RNF10: variants seen among roughly 807,000 people sequenced by gnomAD.
RNF10 encodes the protein E3 ubiquitin-protein ligase RNF10.
A neutral mutation model predicts 91.4 loss-of-function variants in RNF10; 38 were observed. The ratio of observed to expected loss-of-function variants is 0.42; its 90% CI spans 0.32 to 0.54. The LOEUF (loss-of-function observed/expected upper bound fraction) is 0.54, where lower values mean the gene tolerates loss of function less well. Ranked by LOEUF, RNF10 falls within the 20% of genes least tolerant of loss-of-function variation. RNF10 has a pLI of 0.16. For missense variants in RNF10, 945 were observed against 1,012.0 expected (o/e 0.93, Z 0.90); for synonymous variants, 364 against 366.3 (o/e 0.99, Z 0.07).
At chr12:120,536,791 A>G (rs761905166) in intron 1 of RNF10, among the ~76,000 whole-genome samples, 8 of 152,212 alleles carry the variant, frequency 5.3e-5, no homozygotes, top group Non-Finnish European at 1.2e-4. Flanking sequence ...TGAATTCTCA[A>G]CTAATTTTTC....
At chr12:120,560,434 G>T (rs983216534) in intron 6 of RNF10, among the ~76,000 whole-genome samples, 5 of 152,134 alleles carry the variant, frequency 3.3e-5, no homozygotes, top group African/African-American at 1.2e-4. Flanking sequence ...GATTACAGGT[G>T]TGAGCCATGG....
In RNF10 at chr12:120,566,990, T is replaced by A; in HGVS notation, c.2041+10T>A. The A allele has an allele frequency of 6.3e-7, 1 of 1,593,070 alleles. No homozygotes were observed. ...CCAGGTTCCCATGCAGGTAAACAGG[T>A]GAAATTTAATGAATTCACCCATCAG... is the stretch of plus-strand genomic sequence containing the variant. On this transcript the variant is annotated intron_variant, in intron 13 of 16. Transcript: ENST00000325954.
Position 120,565,098 on chromosome 12 carries a change from C to T in RNF10, c.1692C>T (p.Leu564=). 6.2e-7 allele frequency: 1 copy of T among 1,613,824 alleles called. No individual in the cohort carries two copies. The highest frequency in any genetic ancestry group is 8.5e-7 in the Non-Finnish European group (1 of 1,179,706). ...SEDVRQRHRY[L]SHLPLTCEFS... ...ATGTTCGACAGCGTCACAGATATCT[C>T]TCTCACTTGCCACTCACCTGTGAGT... Residue 564 remains leucine, a synonymous_variant, in exon 11 of 17, where the codon CTC becomes CTT. Coordinates refer to ENST00000325954, the MANE Select transcript of RNF10 (RefSeq NM_014868.5).
At chr12:120,556,487 C>T (rs1236829508) in intron 4 of RNF10, among the ~76,000 whole-genome samples, 2 of 126,248 alleles carry the variant, frequency 1.6e-5, no homozygotes, top group African/African-American at 6.1e-5. Context: ...GCCGAGATGG[C>T]GCCACTGCAC....
Position 120,560,761 on chromosome 12 carries a change from G to T in RNF10, c.1003G>T (p.Ala335Ser). Reference protein sequence around the residue: ...QHSQYSKLLLASKEQVLHRVV... With the variant: ...QHSQYSKLLLSSKEQVLHRVV... Reference sequence around the variant, plus strand: ...CAGCCAGTACTCCAAGTTGCTGCTGGCCTCTAAGGAGCAGGTGCTGCACCG... The same window carrying T: ...CAGCCAGTACTCCAAGTTGCTGCTGTCCTCTAAGGAGCAGGTGCTGCACCG... Residue 335 changes from alanine to serine, a missense_variant, in exon 7 of 17, where the codon GCC (alanine) becomes TCC (serine). Ala to Ser is a moderately conservative substitution (Grantham distance 99). Coordinates refer to ENST00000325954, the MANE Select transcript of RNF10 (RefSeq NM_014868.5). 6.2e-7 allele frequency: 1 copy of T among 1,614,040 alleles called. No homozygotes were observed. Among genetic ancestry groups the T allele is most frequent in the Non-Finnish European group, 8.5e-7 (1 of 1,179,958 alleles).
chr12:120,567,759 G>A (rs1433082334), intron 13 of RNF10, among the ~76,000 whole-genome samples: 1 of 150,814 alleles, frequency 6.6e-6, no homozygotes, highest in Non-Finnish European at 1.5e-5. Flanking sequence ...TTCTATTCAC[G>A]TACTAATGGG....
At position 120,575,693 on chromosome 12, in the gene RNF10, G is replaced by C. The variant is rs61760872; in HGVS notation, c.2200+5G>C. 23,550 of 1,614,184 alleles carry C rather than the reference G, an allele frequency of 0.015. 479 individuals carry two copies. The highest frequency in any genetic ancestry group is 0.066 in the South Asian group (5,994 of 91,078). ...CCAAAACTGCTCCAAAGAAAGGTGA[G>C]GATGGTCCACTGGTGAAGGGGGAGT... On this transcript the variant is annotated splice_donor_5th_base_variant and intron_variant, in intron 15 of 16. Transcript: ENST00000325954.
intron 1 of RNF10, among the ~76,000 whole-genome samples, chr12:120,540,933 G>A (rs180704096): frequency 6.0e-5 from 9 of 150,366 alleles, no homozygotes; most frequent in Admixed American, 4.7e-4. Context: ...CGGCCTTGCC[G>A]CAACCTCCAC....
At chr12:120,553,038 GTTTTTTTTTTTTTTTTTTT>G (rs3049493) in intron 3 of RNF10, among the ~76,000 whole-genome samples, 10 of 90,936 alleles carry the variant, frequency 1.1e-4, no homozygotes, top group African/African-American at 3.9e-4. Context: ...AAGAGGAAAG[GTTTTTTTTTTTTTTTTTTT>G]TTTTTTTTTT....
Position 120,552,660 on chromosome 12 carries a change from A to G in RNF10, c.516A>G (p.Gly172=), listed in dbSNP as rs754983515. 1.1e-5 allele frequency: 18 copies of G among 1,614,058 alleles called. No individual in the cohort carries two copies. Among genetic ancestry groups the G allele is most frequent in the Non-Finnish European group, 1.5e-5 (18 of 1,180,040 alleles). The change falls in exon 3 of 17, where the codon GGA becomes GGG. Residue 172 remains glycine (G), a synonymous_variant. Coordinates refer to ENST00000325954, the MANE Select transcript of RNF10 (RefSeq NM_014868.5). ...GCTGGGGAAAGAGGAACAAGTGGGG[A>G]CATAAGCCTTTTAACAAGGAACTCT... ...HGSWGKRNKW[G]HKPFNKELFL...
intron 2 of RNF10, among the ~76,000 whole-genome samples, chr12:120,550,657 C>T (rs787834): frequency 0.27 from 40,657 of 150,938 alleles, 6,574 homozygotes; most frequent in Admixed American, 0.39. Flanking sequence ...AGTGCAGTGG[C>T]GTGATCTCGG....
intron 3 of RNF10, 40 bp from the exon 4 acceptor site, chr12:120,554,678 T>TC (rs1873688185): frequency 1.4e-6 from 2 of 1,464,352 alleles, no homozygotes; most frequent in African/African-American, 2.8e-5. Context: ...TATTGGTAGA[T>TC]CCTGACAGTC....
At chr12:120,547,514 G>C (rs1872509285) in intron 2 of RNF10, among the ~76,000 whole-genome samples, 1 of 152,050 alleles carries the variant, frequency 6.6e-6, no homozygotes, top group Non-Finnish European at 1.5e-5. Context: ...GGCTGCTCTT[G>C]AACTCCTGGC....
Position 120,563,048 on chromosome 12 carries a change from A to G in RNF10, c.1232A>G (p.Glu411Gly), listed in dbSNP as rs752289695. 2.5e-5 allele frequency: 40 copies of G among 1,613,992 alleles called. No homozygotes were observed. The highest frequency in any genetic ancestry group is 3.3e-4 in the Middle Eastern group (2 of 6,062). The change falls in exon 8 of 17, where the codon GAG (glutamate) becomes GGG (glycine). Residue 411 changes from glutamate (E) to glycine (G), a missense_variant. By Grantham distance (98) the Glu-to-Gly change is moderately conservative (BLOSUM62 -2). Coordinates refer to ENST00000325954, the MANE Select transcript of RNF10 (RefSeq NM_014868.5). ...GTGCTGATGGCTCCCTTGGCGAAGG[A>G]GTCTGTTTTTCAACCCAGGAAGGTT... is the stretch of plus-strand genomic sequence containing the variant. ...QLVLMAPLAK[E>G]SVFQPRKGVL...
At chr12:120,554,837 A>G (rs369655335) in intron 4 of RNF10, 29 bp downstream of exon 4, 9 of 1,548,706 alleles carry the variant, frequency 5.8e-6, no homozygotes, top group South Asian at 2.2e-5. Flanking sequence ...CCCATAAGCT[A>G]TGAATGGGAG....
intron 1 of RNF10, chr12:120,535,681 A>T (rs915724301): frequency 5.9e-5 from 9 of 152,186 alleles, no homozygotes; most frequent in African/African-American, 2.2e-4. Flanking sequence ...AAATACACAT[A>T]ATGTCTATTG....
intron 6 of RNF10, 149 bp downstream of exon 6, chr12:120,557,831 GT>G: frequency 2.4e-6 from 2 of 833,146 alleles, no homozygotes; most frequent in Non-Finnish European, 3.8e-6. Context: ...TTAGGGTGGG[GT>G]TTGTAGAGAG....
chr12:120,553,595 G>T (rs1468110498), intron 3 of RNF10, among the ~76,000 whole-genome samples: 1 of 151,086 alleles, frequency 6.6e-6, no homozygotes, highest in Non-Finnish European at 1.5e-5. Context: ...AGTAGAGATG[G>T]TGTTGCACCG....
At chr12:120,554,556 G>T in intron 3 of RNF10, 162 bp from the exon 4 acceptor site, 2 of 601,982 alleles carry the variant, frequency 3.3e-6, no homozygotes, top group East Asian at 2.9e-5. Flanking sequence ...TCTTTCCAGA[G>T]CTGGAGCTCA....
Sources: gnomAD v4.1 joint callset for allele counts (sites outside exome capture counted in the v4.1 genomes callset) on GRCh38, gnomAD v4.1.1 for gene constraint, MANE v1.5 for transcripts, NCBI Gene and HGNC (gene_info 2026-07-23, HGNC 2026-07-21) for gene names.